Variants in VTI1A observed in about 807,000 individuals in gnomAD.
VTI1A encodes the protein vesicle transport through interaction with t-SNAREs homolog 1A.
In VTI1A, 22 loss-of-function variants were observed where a neutral mutation model predicts 34.9. That is an observed-to-expected ratio of 0.63 (90% CI 0.45 to 0.90). The LOEUF is 0.90. Among genes scored for constraint, VTI1A ranks in the 40% least tolerant of loss-of-function variants. VTI1A has a pLI of 0.00. For missense variants in VTI1A, 268 were observed against 275.6 expected (o/e 0.97, Z 0.20); for synonymous variants, 87 against 97.3 (o/e 0.89, Z 0.62).
chr10:112,799,605 C>A (rs1488527809), intron 7 of VTI1A, among the ~76,000 whole-genome samples: 1 of 152,162 alleles, frequency 6.6e-6, no homozygotes, highest in Non-Finnish European at 1.5e-5. Context: ...AAGGATATGT[C>A]TTCCCAGGCT....
Position 112,801,473 on chromosome 10 carries a change from C to T in VTI1A, c.561-13817C>T, listed in dbSNP as rs72824062. On this transcript the variant is annotated intron_variant, in intron 7 of 7. Transcript: ENST00000393077. ...TACTTGGGAGAGCTTCCTTTATTAC[C>T]ATTTCGTGGATGGGGAAACTCAAGG... 7.0e-3 allele frequency among the ~76,000 whole-genome samples: 1,069 copies of T among 152,260 alleles called. 8 individuals carry two copies. Among genetic ancestry groups the T allele is most frequent in the Non-Finnish European group, 8.8e-3 (596 of 68,020 alleles).
At chr10:112,657,270 GT>G (rs1847264727) in intron 5 of VTI1A, among the ~76,000 whole-genome samples, 1 of 152,086 alleles carries the variant, frequency 6.6e-6, no homozygotes, top group Non-Finnish European at 1.5e-5. Flanking sequence ...TGTATCCATT[GT>G]CCTATATTTT....
intron 7 of VTI1A, among the ~76,000 whole-genome samples, chr10:112,783,292 T>G (rs1042876523): frequency 1.3e-5 from 2 of 152,064 alleles, no homozygotes; most frequent in Non-Finnish European, 2.9e-5. Context: ...AAAACAACTT[T>G]GGGATATTTA....
At chr10:112,838,176 C>T in the VTI1A span, among the ~76,000 whole-genome samples, 3 of 152,234 alleles carry the variant, frequency 2.0e-5, no homozygotes, top group Admixed American at 6.5e-5. Flanking sequence ...GGGCCAAGCC[C>T]GCAAGGCAGG....
chr10:112,768,249 G>C (rs1466866430), intron 7 of VTI1A, among the ~76,000 whole-genome samples: 1 of 152,208 alleles, frequency 6.6e-6, no homozygotes, highest in Non-Finnish European at 1.5e-5. Context: ...GAGACACAAG[G>C]CTGACGAGAA....
chr10:112,487,443 G>A (rs1296044135), intron 3 of VTI1A, among the ~76,000 whole-genome samples: 1 of 152,138 alleles, frequency 6.6e-6, no homozygotes, highest in East Asian at 1.9e-4. Flanking sequence ...ATTTTTGAGA[G>A]GCATGCAAGG....
the VTI1A span, among the ~76,000 whole-genome samples, chr10:112,838,189 C>G: frequency 6.6e-6 from 1 of 152,146 alleles, no homozygotes; most frequent in Non-Finnish European, 1.5e-5. Flanking sequence ...AAGGCAGGTG[C>G]TCCCCACTGC....
At chr10:112,560,080 A>T (rs1851671836) in intron 5 of VTI1A, among the ~76,000 whole-genome samples, 1 of 152,176 alleles carries the variant, frequency 6.6e-6, no homozygotes, top group African/African-American at 2.4e-5. Context: ...ACTCTGGTCC[A>T]TTGAGTGTAT....
the VTI1A span, among the ~76,000 whole-genome samples, chr10:112,838,273 G>A: frequency 1.3e-5 from 2 of 152,196 alleles, no homozygotes; most frequent in African/African-American, 4.8e-5. Context: ...GACAGACCTC[G>A]GGTCCTCCTG....
chr10:112,845,888 C>T, the VTI1A span, among the ~76,000 whole-genome samples: 12 of 152,176 alleles, frequency 7.9e-5, no homozygotes, highest in African/African-American at 2.2e-4. Flanking sequence ...CGTGGTGGCA[C>T]GCACCTGTAA....
intron 7 of VTI1A, among the ~76,000 whole-genome samples, chr10:112,791,143 C>T (rs557573099): frequency 1.6e-4 from 24 of 152,350 alleles, no homozygotes; most frequent in Non-Finnish European, 3.2e-4. Flanking sequence ...CCAAAGGCAA[C>T]AGGTGGGACC....
intron 3 of VTI1A, among the ~76,000 whole-genome samples, chr10:112,481,015 A>T (rs1264777280): frequency 1.3e-5 from 2 of 152,192 alleles, no homozygotes; most frequent in African/African-American, 4.8e-5. Flanking sequence ...CTCAGCCTTT[A>T]TCTCATTTAG....
the VTI1A span, among the ~76,000 whole-genome samples, chr10:112,846,059 T>C: frequency 6.6e-6 from 1 of 152,114 alleles, no homozygotes; most frequent in Non-Finnish European, 1.5e-5. Flanking sequence ...ATGTCCTTTC[T>C]GGAGAAGAGA....
intron 7 of VTI1A, among the ~76,000 whole-genome samples, chr10:112,726,079 T>A (rs1318034695): frequency 6.6e-6 from 1 of 152,164 alleles, no homozygotes; most frequent in Non-Finnish European, 1.5e-5. Context: ...TATGTTTATG[T>A]TGGAGTGGTA....
At chr10:112,461,663 C>T (rs140515890) in intron 2 of VTI1A, among the ~76,000 whole-genome samples, 1,555 of 152,272 alleles carry the variant, frequency 0.01, 19 homozygotes, top group African/African-American at 0.036. Flanking sequence ...CTAACTACTA[C>T]AAGCATGACT....
chr10:112,788,500 T>A (rs1852363932), intron 7 of VTI1A, among the ~76,000 whole-genome samples: 1 of 152,204 alleles, frequency 6.6e-6, no homozygotes, highest in Non-Finnish European at 1.5e-5. Context: ...TTTTTTCACC[T>A]TTTAACTTTC....
Position 112,815,726 on chromosome 10 carries a change from G to A in VTI1A, c.*343G>A. ...AGGGCCGTGGTTTGGGAGAGGACAT[G>A]ATGAGTCAGTCACGAGAGCTTCTGT... On this transcript the variant is annotated 3_prime_UTR_variant, in exon 8 of 8. Coordinates refer to ENST00000393077, the MANE Select transcript of VTI1A (RefSeq NM_145206.4). The A allele has an allele frequency of 3.3e-6, 1 of 300,660 alleles. No homozygotes were observed. The highest frequency in any genetic ancestry group is 6.8e-5 in the South Asian group (1 of 14,736). 18.6% of individuals were successfully genotyped at this position (300,660 alleles called of 1,614,324 possible).
intron 5 of VTI1A, among the ~76,000 whole-genome samples, chr10:112,652,231 A>G (rs1468706497): frequency 6.6e-6 from 1 of 152,234 alleles, no homozygotes; most frequent in Non-Finnish European, 1.5e-5. Flanking sequence ...CCATAACACC[A>G]TGAAGATTTT....
intron 5 of VTI1A, among the ~76,000 whole-genome samples, chr10:112,549,571 C>CT (rs1316028079): frequency 1.3e-5 from 2 of 152,134 alleles, no homozygotes; most frequent in East Asian, 3.9e-4. Context: ...TATTAACTAT[C>CT]TTTTTTCCAA....
Sources: allele counts gnomAD v4.1 joint callset (sites outside exome capture counted in the v4.1 genomes callset), GRCh38; gene constraint gnomAD v4.1.1; transcripts MANE v1.5; gene names NCBI Gene and HGNC (gene_info 2026-07-23, HGNC 2026-07-21).